TANC2: variants seen among roughly 807,000 people sequenced by gnomAD.
TANC2 encodes the protein tetratricopeptide repeat, ankyrin repeat and coiled-coil containing 2.
A neutral mutation model predicts 210.5 loss-of-function variants in TANC2; 26 were observed. The observed-to-expected ratio is 0.12, with a 90% confidence interval of 0.09 to 0.17. The LOEUF is 0.17. Among genes scored for constraint, TANC2 ranks in the 10% least tolerant of loss-of-function variants. TANC2 has a pLI of 1.00. For synonymous variants in TANC2, 931 were observed against 967.1 expected, an observed-to-expected ratio of 0.96 and a Z score of 0.69; for missense variants, 2,129 against 2,608.9, an observed-to-expected ratio of 0.82 and a Z score of 4.01.
chr17:63,080,183 G>T (rs2036721067), intron 3 of TANC2, among the ~76,000 whole-genome samples: 1 of 152,168 alleles, frequency 6.6e-6, no homozygotes, highest in African/African-American at 2.4e-5. Flanking sequence ...CAAGTTTGAT[G>T]AAGGAAACTA....
intron 2 of TANC2, among the ~76,000 whole-genome samples, chr17:63,011,165 G>A (rs1254530352): frequency 6.6e-6 from 1 of 152,052 alleles, no homozygotes; most frequent in Non-Finnish European, 1.5e-5. Context: ...TGAAGACTCA[G>A]AAGTTTTAGA....
intron 2 of TANC2, among the ~76,000 whole-genome samples, chr17:63,055,589 A>G (rs116798828): frequency 0.029 from 4,473 of 151,694 alleles, 81 homozygotes; most frequent in South Asian, 0.037. Flanking sequence ...CATCATGTAC[A>G]TACATAACTC....
At chr17:63,312,642 A>G (rs762829998) in intron 9 of TANC2, among the ~76,000 whole-genome samples, 5 of 152,150 alleles carry the variant, frequency 3.3e-5, no homozygotes, top group Non-Finnish European at 5.9e-5. Context: ...TGAGGGACAG[A>G]ATCATTCATA....
chr17:63,055,708 A>G (rs996697684), intron 2 of TANC2, among the ~76,000 whole-genome samples: 1 of 151,018 alleles, frequency 6.6e-6, no homozygotes, highest in Admixed American at 6.6e-5. Context: ...TATAGATGCA[A>G]ATATTATGTG....
chr17:63,237,951 G>C, exon 8 of TANC2: 1 of 1,589,696 alleles, frequency 6.3e-7, no homozygotes, highest in Non-Finnish European at 8.6e-7. Flanking sequence ...GTATCGAGTA[G>C]ATGAAAACAT....
intron 2 of TANC2, among the ~76,000 whole-genome samples, chr17:63,028,077 T>C (rs1191646980): frequency 6.6e-6 from 1 of 152,124 alleles, no homozygotes; most frequent in East Asian, 1.9e-4. Flanking sequence ...AAGTCCCGGT[T>C]CTTTAGAGGA....
rs900550401 is a variant in TANC2 at position 63,125,625 on chromosome 17, A to G, written c.323-25645A>G. The stretch of plus-strand genomic sequence containing the variant: ...TAACCATTAATGTTCAGAGTATTTC[A>G]TTGTGAGTTTATATTACTTCCTGTG... On this transcript the variant is annotated intron_variant, in intron 4 of 27. Coordinates refer to ENST00000689528, the Ensembl canonical transcript of TANC2. Among the ~76,000 whole-genome samples, 3 of 152,180 alleles carry G rather than the reference A, an allele frequency of 2.0e-5. No homozygotes were observed. The East Asian group carries it at 5.8e-4, about 29-fold the overall frequency.
Position 63,116,043 on chromosome 17 carries a change from T to A in TANC2, c.322+16686T>A, listed in dbSNP as rs112178003. 6.3e-4 allele frequency among the ~76,000 whole-genome samples: 96 copies of A among 152,352 alleles called. 1 individual carries two copies. The Middle Eastern group carries it at 0.024, about 38-fold the overall frequency. On this transcript the variant is annotated intron_variant, in intron 4 of 27. Coordinates refer to ENST00000689528, the Ensembl canonical transcript of TANC2. The stretch of plus-strand genomic sequence containing the variant: ...AACTTTTCCAGAATTGGTATTATAA[T>A]GGCAGTGTTGCCCATGTAAGAGAAT...
intron 5 of TANC2, among the ~76,000 whole-genome samples, chr17:63,163,055 G>A (rs571093884): frequency 6.6e-6 from 1 of 151,682 alleles, no homozygotes; most frequent in African/African-American, 2.4e-5. Context: ...AGGGAGTTGA[G>A]GGTATTTGCA....
At chr17:63,019,957 C>T (rs568281699) in intron 2 of TANC2, among the ~76,000 whole-genome samples, 16 of 152,308 alleles carry the variant, frequency 1.1e-4, no homozygotes, top group African/African-American at 2.6e-4. Flanking sequence ...GACAGAGTTT[C>T]GCTCTTGTTG....
At chr17:63,319,185 C>A (rs755664575) in intron 11 of TANC2, 95 bp downstream of exon 11, 6 of 1,284,994 alleles carry the variant, frequency 4.7e-6, no homozygotes, top group Non-Finnish European at 6.5e-6. Flanking sequence ...AACAAAAATA[C>A]GTAAAGCTAT....
chr17:63,095,875 A>ACTTTACTG (rs1184819112), intron 3 of TANC2, among the ~76,000 whole-genome samples: 1 of 152,218 alleles, frequency 6.6e-6, no homozygotes, highest in African/African-American at 2.4e-5. Context: ...AAATAGTTTT[A>ACTTTACTG]AGCAGAAAAG....
chr17:63,002,363 C>A (rs2033424721), intron 1 of TANC2, among the ~76,000 whole-genome samples: 1 of 152,158 alleles, frequency 6.6e-6, no homozygotes, highest in East Asian at 1.9e-4. Context: ...TTAGTTATCG[C>A]ATGTATATCC....
chr17:63,151,194 C>T, intron 4 of TANC2, 76 bp from the exon 5 acceptor site: 1 of 671,564 alleles, frequency 1.5e-6, no homozygotes, highest in Non-Finnish European at 1.8e-6. Context: ...TTCCCTGTTT[C>T]TCTCCCTTCC....
intron 9 of TANC2, among the ~76,000 whole-genome samples, chr17:63,298,295 A>G (rs1313104397): frequency 6.6e-6 from 1 of 152,250 alleles, no homozygotes; most frequent in Non-Finnish European, 1.5e-5. Flanking sequence ...GGTAGAAACA[A>G]TCCAAATATT....
exon 28 of TANC2, chr17:63,424,525 A>G (rs2049100454): frequency 6.6e-6 from 1 of 152,212 alleles, no homozygotes; most frequent in African/African-American, 2.4e-5. Context: ...CGCTGAGTCC[A>G]TGTCTGGCTT....
rs78757046 is a variant in TANC2, at chr17:63,036,038, T to G, written c.67+26412T>G. On this transcript the variant is annotated intron_variant, in intron 2 of 27. Coordinates refer to ENST00000689528, the Ensembl canonical transcript of TANC2. ...CTTTTGCCCATTTTTTATTTGGTTG[T>G]TTGTTTTCTCATTGGTGTATTTTAA... Among the ~76,000 whole-genome samples, 675 of 151,956 alleles carry G rather than the reference T, an allele frequency of 4.4e-3. 9 individuals are homozygous for G. The highest frequency in any genetic ancestry group is 0.019 in the East Asian group (100 of 5,188).
chr17:62,990,239 A>G (rs550037178), intron 1 of TANC2, among the ~76,000 whole-genome samples: 1 of 152,296 alleles, frequency 6.6e-6, no homozygotes, highest in Non-Finnish European at 1.5e-5. Context: ...GATAGATGAC[A>G]GCAAAGGCAA....
intron 5 of TANC2, among the ~76,000 whole-genome samples, chr17:63,173,206 G>A (rs920290161): frequency 1.3e-5 from 2 of 152,134 alleles, no homozygotes; most frequent in South Asian, 4.1e-4. Flanking sequence ...GGAAAAAAGA[G>A]AAATACATGA....
Sources: gnomAD v4.1 joint callset for allele counts (sites outside exome capture counted in the v4.1 genomes callset) on GRCh38, gnomAD v4.1.1 for gene constraint, MANE v1.5 for transcripts, NCBI Gene and HGNC (gene_info 2026-07-23, HGNC 2026-07-21) for gene names.